The following ERBB4 variants were observed in gnomAD, a reference collection of about 807,000 sequenced individuals.
The protein encoded by ERBB4 is receptor tyrosine-protein kinase erbB-4.
A neutral mutation model predicts 158.0 loss-of-function variants in ERBB4; 42 were observed. The observed-to-expected ratio is 0.27, with a 90% CI of 0.21 to 0.34. The LOEUF is 0.34. Ranked by LOEUF, ERBB4 falls within the 10% of genes least tolerant of loss-of-function variation. The pLI is 1.00. For synonymous variants in ERBB4, 583 were observed against 558.7 expected (o/e 1.04, Z -0.61); for missense variants, 1,333 against 1,624.1 (o/e 0.82, Z 3.08).
chr2:212,029,449 C>A (rs548714825), intron 2 of ERBB4, among the ~76,000 whole-genome samples: 1 of 152,208 alleles, frequency 6.6e-6, no homozygotes, highest in Admixed American at 6.5e-5. Flanking sequence ...GAGTAACACC[C>A]AAACATAACT....
chr2:211,456,645 C>T (rs1222974943), intron 20 of ERBB4, among the ~76,000 whole-genome samples: 1 of 151,944 alleles, frequency 6.6e-6, no homozygotes, highest in African/African-American at 2.4e-5. Flanking sequence ...ATTTTAGGAT[C>T]CAGGGACTGG....
At chr2:211,936,574 G>A (rs1413541600) in intron 3 of ERBB4, among the ~76,000 whole-genome samples, 1 of 151,980 alleles carries the variant, frequency 6.6e-6, no homozygotes, top group Non-Finnish European at 1.5e-5. Context: ...TTAAGGAAGA[G>A]GGGAAAATAG....
chr2:212,398,153 T>C (rs937686937), intron 1 of ERBB4, among the ~76,000 whole-genome samples: 2 of 151,728 alleles, frequency 1.3e-5, no homozygotes, highest in African/African-American at 4.8e-5. Flanking sequence ...TATACACACA[T>C]ATATATGTAT....
chr2:211,832,817 G>T (rs16846917), intron 3 of ERBB4, among the ~76,000 whole-genome samples: 39,114 of 149,030 alleles, frequency 0.26, 5,303 homozygotes, highest in South Asian at 0.36. Context: ...AAAATAGTTT[G>T]ATGCACTGAA....
intron 3 of ERBB4, among the ~76,000 whole-genome samples, chr2:211,852,654 C>T (rs1449711437): frequency 7.2e-5 from 7 of 97,588 alleles, no homozygotes; most frequent in African/African-American, 1.9e-4. Context: ...TTTTTTTTGC[C>T]GTTGCCATCA....
chr2:212,009,600 T>C (rs547158729), intron 2 of ERBB4, among the ~76,000 whole-genome samples: 48 of 152,238 alleles, frequency 3.2e-4, no homozygotes, highest in Middle Eastern at 3.4e-3. Flanking sequence ...ATCAAAACCA[T>C]TTTCAAAACA....
intron 1 of ERBB4, among the ~76,000 whole-genome samples, chr2:212,387,004 GC>G (rs1264736767): frequency 3.9e-5 from 6 of 152,026 alleles, no homozygotes; most frequent in Non-Finnish European, 7.4e-5. Context: ...AATGAATGAA[GC>G]TGATCCCTCA....
chr2:211,960,739 T>G (rs563594113), intron 2 of ERBB4: 1 of 152,126 alleles, frequency 6.6e-6, no homozygotes, highest in East Asian at 1.9e-4. Context: ...TCTCTCTAGG[T>G]TCTTTTTTAT....
intron 3 of ERBB4, among the ~76,000 whole-genome samples, chr2:211,916,416 G>T (rs1243905053): frequency 1.3e-5 from 2 of 152,096 alleles, no homozygotes; most frequent in Non-Finnish European, 1.5e-5. Context: ...CTGACCTCAG[G>T]TGATCTGTCC....
intron 20 of ERBB4, among the ~76,000 whole-genome samples, chr2:211,531,689 G>A (rs1202389807): frequency 6.6e-6 from 1 of 152,048 alleles, no homozygotes; most frequent in East Asian, 1.9e-4. Context: ...GGAGAAAAGG[G>A]ACCTCTCATA....
chr2:211,996,304 A>T (rs1196493892), intron 2 of ERBB4, among the ~76,000 whole-genome samples: 1 of 151,976 alleles, frequency 6.6e-6, no homozygotes, highest in African/African-American at 2.4e-5. Context: ...AATCAAGTTT[A>T]AACATTATCC....
intron 1 of ERBB4, among the ~76,000 whole-genome samples, chr2:212,371,423 T>G (rs2090081644): frequency 6.6e-6 from 1 of 152,240 alleles, no homozygotes; most frequent in Non-Finnish European, 1.5e-5. Flanking sequence ...AGAGAGGTTT[T>G]TAAAATGTGC....
chr2:211,652,019 A>G (rs983956658), intron 16 of ERBB4, among the ~76,000 whole-genome samples: 1 of 137,640 alleles, frequency 7.3e-6, no homozygotes, highest in Admixed American at 7.4e-5. Flanking sequence ...TTTGAGTATA[A>G]TATTAACATT....
intron 1 of ERBB4, among the ~76,000 whole-genome samples, chr2:212,351,955 A>T (rs974032801): frequency 2.6e-5 from 4 of 152,150 alleles, no homozygotes; most frequent in African/African-American, 9.7e-5. Flanking sequence ...AGAAAATGTG[A>T]TACATATACA....
At position 212,229,058 on chromosome 2, in the gene ERBB4, T is replaced by C. The variant is rs577810543; in HGVS notation, c.83-104155A>G. Among the ~76,000 whole-genome samples, 9 of 152,312 alleles carry C rather than the reference T, an allele frequency of 5.9e-5. No individual in the cohort carries two copies. The South Asian group carries it at 1.2e-3, about 21-fold the overall frequency. On this transcript the variant is annotated intron_variant, in intron 1 of 27. Coordinates refer to ENST00000342788, the MANE Select transcript of ERBB4 (RefSeq NM_005235.3). ...ATTGGCTTGGAATTGGACATATCAGTATGGATTCATGGGAAGAGAGAGAGA... is the reference window on the plus strand; with the variant it reads ...ATTGGCTTGGAATTGGACATATCAGCATGGATTCATGGGAAGAGAGAGAGA...
intron 1 of ERBB4, among the ~76,000 whole-genome samples, chr2:212,265,352 T>C (rs1251050056): frequency 2.0e-5 from 3 of 152,116 alleles, no homozygotes; most frequent in East Asian, 1.9e-4. Context: ...AGGTGAATTA[T>C]TGTACATGTG....
intron 2 of ERBB4, among the ~76,000 whole-genome samples, chr2:212,041,738 C>T (rs1359241234): frequency 1.3e-5 from 2 of 152,010 alleles, no homozygotes; most frequent in Non-Finnish European, 2.9e-5. Flanking sequence ...AGCTCAAAGA[C>T]GTCTCTGGAG....
intron 17 of ERBB4, among the ~76,000 whole-genome samples, chr2:211,627,774 T>C (rs188667008): frequency 6.6e-6 from 1 of 152,328 alleles, no homozygotes; most frequent in Admixed American, 6.5e-5. Context: ...AAAGGTAAGA[T>C]GGAAGTTGAG....
intron 21 of ERBB4, among the ~76,000 whole-genome samples, chr2:211,428,929 C>T (rs935356893): frequency 1.3e-5 from 2 of 151,784 alleles, no homozygotes; most frequent in Non-Finnish European, 2.9e-5. Flanking sequence ...CCAGGCTAGC[C>T]TAGAACTCCT....
Sources: gnomAD v4.1 joint callset for allele counts (sites outside exome capture counted in the v4.1 genomes callset) on GRCh38, gnomAD v4.1.1 for gene constraint, MANE v1.5 for transcripts, NCBI Gene and HGNC (gene_info 2026-07-23, HGNC 2026-07-21) for gene names.